The following EN2 variants were observed in gnomAD, a reference collection of about 807,000 sequenced individuals.
EN2 encodes the protein engrailed homeobox 2.
Under a neutral mutation model 25.0 loss-of-function variants are expected in EN2, and 7 were observed. The observed-to-expected ratio is 0.28, with a 90% CI of 0.16 to 0.53. The LOEUF (loss-of-function observed/expected upper bound fraction) is 0.53, where lower values mean the gene tolerates loss of function less well. Among genes scored for constraint, EN2 ranks in the 20% least tolerant of loss-of-function variants. The pLI, the probability that EN2 is intolerant of heterozygous loss-of-function variation, is 0.96. For synonymous variants in EN2, 277 were observed against 243.3 expected (o/e 1.14, Z -1.29); for missense variants, 524 against 501.8 (o/e 1.04, Z -0.42).
chr7:155,462,780 T>C lies in EN2; in HGVS notation c.*93T>C, dbSNP rs374181653. The C allele has an allele frequency of 3.0e-5, 41 of 1,348,380 alleles. No homozygotes were observed. In the East Asian group the frequency reaches 5.8e-4, roughly 19 times the overall value. 83.5% of individuals were successfully genotyped at this position (1,348,380 alleles called of 1,614,324 possible). On this transcript the variant is annotated 3_prime_UTR_variant, in exon 2 of 2. Transcript: ENST00000297375. ...CCAGTGTATAAAGATTATACCAGCA[T>C]TAATAGTGAAAATATTGTGTATTAG... is the stretch of plus-strand genomic sequence containing the variant.
chr7:155,459,614 C>T (rs1795672245), intron 1 of EN2, among the ~76,000 whole-genome samples: 1 of 152,256 alleles, frequency 6.6e-6, no homozygotes, highest in South Asian at 2.1e-4. Flanking sequence ...TTCTGCCCCT[C>T]GGGCCTGCGC....
In EN2 at chr7:155,458,274, G is replaced by A; in HGVS notation, c.-104G>A. ...CGCCGCGCACGCCCTCGGAAGACTC[G>A]GCGGGGTGGGGGCGCGGGGGTCTCC... On this transcript the variant is annotated 5_prime_UTR_variant, in exon 1 of 2. Transcript: ENST00000297375. The A allele has an allele frequency of 2.4e-6, 3 of 1,239,768 alleles. No individual in the cohort carries two copies. The highest frequency in any genetic ancestry group is 3.1e-6 in the Non-Finnish European group (3 of 983,198). 76.8% of individuals were successfully genotyped at this position (1,239,768 alleles called of 1,614,324 possible). A position where few individuals can be genotyped will look rare whatever the true frequency, so the allele number is the denominator to read the frequency against.
At chr7:155,460,765 C>G (rs1795685937) in intron 1 of EN2, among the ~76,000 whole-genome samples, 1 of 152,184 alleles carries the variant, frequency 6.6e-6, no homozygotes, top group African/African-American at 2.4e-5. Context: ...CTGCACCTAC[C>G]CCTACCAAAG....
chr7:155,458,968 G>C lies in EN2; in HGVS notation c.591G>C (p.Ser197=), dbSNP rs1795663451. 1 of 1,539,306 alleles carries C rather than the reference G, an allele frequency of 6.5e-7. No homozygotes were observed. Among genetic ancestry groups the C allele is most frequent in the Non-Finnish European group, 8.7e-7 (1 of 1,152,264 alleles). Residue 197 remains serine (S), a synonymous_variant, in exon 1 of 2, where the codon TCG becomes TCC. Transcript: ENST00000297375. The part of the protein sequence containing the change: ...GGGDLSVSSD[S]DSSQAGANLG... The stretch of plus-strand genomic sequence containing the variant: ...GCGACCTGTCGGTGAGCTCGGACTC[G>C]GACAGCTCGCAAGCCGGCGCCAACC...
chr7:155,462,058 G>C (rs1795702461), intron 1 of EN2, among the ~76,000 whole-genome samples: 1 of 152,240 alleles, frequency 6.6e-6, no homozygotes, highest in East Asian at 1.9e-4. Flanking sequence ...AACCAGGCCA[G>C]AAAGTGTGGG....
Position 155,458,451 on chromosome 7 carries a change from C to A in EN2, c.74C>A (p.Pro25His). ...VEGQRQPESS[P>H]GGGSGGGGGS... Reference sequence around the variant, plus strand: ...GGACAGCGGCAGCCGGAATCCAGCCCCGGCGGCGGCTCGGGCGGCGGCGGC... The same window carrying A: ...GGACAGCGGCAGCCGGAATCCAGCCACGGCGGCGGCTCGGGCGGCGGCGGC... Residue 25 changes from proline to histidine, a missense_variant, in exon 1 of 2, where the codon CCC becomes CAC. Coordinates refer to ENST00000297375, the MANE Select transcript of EN2 (RefSeq NM_001427.4). 7.7e-7 allele frequency: 1 copy of A among 1,304,892 alleles called. No individual in the cohort carries two copies. The allele number at this position is 1,304,892 out of a possible 1,614,324, so 80.8% of individuals were successfully genotyped here.
rs1374962602 is a variant in EN2 at position 155,459,037 on chromosome 7, G to A, written c.660G>A (p.Thr220=). 6.3e-7 allele frequency: 1 copy of A among 1,581,596 alleles called. No individual in the cohort carries two copies. Among genetic ancestry groups the A allele is most frequent in the Admixed American group, 1.7e-5 (1 of 58,754 alleles). ...PMLWPAWVYC[T]RYSDRPSSGP... ...TCTGGCCGGCGTGGGTCTACTGTAC[G>A]CGCTACTCGGACCGGCCTTCTTCAG... Residue 220 remains threonine (T), a synonymous_variant, in exon 1 of 2, where the codon ACG becomes ACA. Transcript: ENST00000297375.
chr7:155,458,823 A>G lies in EN2; in HGVS notation c.446A>G (p.Asp149Gly). ...GGGCCGCTCCCAGCCGCCGGCAGCG[A>G]CTCTCCGGGTGACGGGGAAGGCGGC... is the stretch of plus-strand genomic sequence containing the variant. ...AGGPLPAAGSDSPGDGEGGSK... is the reference protein window; with the variant it reads ...AGGPLPAAGSGSPGDGEGGSK... Residue 149 changes from aspartate to glycine, a missense_variant, in exon 1 of 2, where the codon GAC (aspartate) becomes GGC (glycine). Coordinates refer to ENST00000297375, the MANE Select transcript of EN2 (RefSeq NM_001427.4). The G allele has an allele frequency of 2.1e-6, 3 of 1,432,562 alleles. No individual in the cohort carries two copies. Among genetic ancestry groups the G allele is most frequent in the Non-Finnish European group, 2.7e-6 (3 of 1,105,622 alleles). The allele number at this position is 1,432,562 out of a possible 1,614,324, so 88.7% of individuals were successfully genotyped here. A position where few individuals can be genotyped will look rare whatever the true frequency, so the allele number is the denominator to read the frequency against.
rs1301585572 is a variant in EN2 at position 155,458,283 on chromosome 7, G to A, written c.-95G>A. On this transcript the variant is annotated 5_prime_UTR_variant, in exon 1 of 2. Transcript: ENST00000297375. ...CGCCCTCGGAAGACTCGGCGGGGTGGGGGCGCGGGGGTCTCCGTGTGCGCC... is the reference window on the plus strand; with the variant it reads ...CGCCCTCGGAAGACTCGGCGGGGTGAGGGCGCGGGGGTCTCCGTGTGCGCC... 3.4e-5 allele frequency: 42 copies of A among 1,241,390 alleles called. No individual in the cohort carries two copies. Among genetic ancestry groups the A allele is most frequent in the Admixed American group, 8.4e-5 (2 of 23,742 alleles). The allele number at this position is 1,241,390 out of a possible 1,614,324, so 76.9% of individuals were successfully genotyped here.
In EN2 at chr7:155,458,564, C is replaced by A. The variant is rs1795655527; in HGVS notation, c.187C>A (p.Pro63Thr). The A allele has an allele frequency of 1.4e-6, 2 of 1,465,708 alleles. No individual in the cohort carries two copies. The highest frequency in any genetic ancestry group is 9.0e-7 in the Non-Finnish European group (1 of 1,105,828). The allele number at this position is 1,465,708 out of a possible 1,614,324, so 90.8% of individuals were successfully genotyped here. Residue 63 changes from proline to threonine, a missense_variant, in exon 1 of 2, where the codon CCG becomes ACG. Physicochemically the swap from Pro to Thr is conservative, Grantham distance 38. Transcript: ENST00000297375. ...GCAGGCGCCCGGCAACCACCAGCACCCGCACCGCATCACCAACTTCTTCAT... is the reference window on the plus strand; with the variant it reads ...GCAGGCGCCCGGCAACCACCAGCACACGCACCGCATCACCAACTTCTTCAT... ...VLQAPGNHQHPHRITNFFIDN... is the reference protein window; with the variant it reads ...VLQAPGNHQHTHRITNFFIDN...
chr7:155,462,243 G>T (rs1203301820), intron 1 of EN2, 128 bp from the exon 2 acceptor site: 1 of 1,035,692 alleles, frequency 9.7e-7, no homozygotes. Context: ...CCCACATCTG[G>T]CGGTTCAGCC....
intron 1 of EN2, among the ~76,000 whole-genome samples, chr7:155,461,723 C>G (rs1475503860): frequency 6.6e-6 from 1 of 152,174 alleles, no homozygotes; most frequent in Non-Finnish European, 1.5e-5. Flanking sequence ...TGCCCCTCCC[C>G]ACCAAGGAGG....
chr7:155,462,771 A>T lies in EN2; in HGVS notation c.*84A>T. On this transcript the variant is annotated 3_prime_UTR_variant, in exon 2 of 2. Transcript: ENST00000297375. ...CATAAAGGGCCAGTGTATAAAGATTATACCAGCATTAATAGTGAAAATATT... is the reference window on the plus strand; with the variant it reads ...CATAAAGGGCCAGTGTATAAAGATTTTACCAGCATTAATAGTGAAAATATT... The T allele has an allele frequency of 7.2e-7, 1 of 1,390,800 alleles. No homozygotes were observed. The highest frequency in any genetic ancestry group is 9.6e-7 in the Non-Finnish European group (1 of 1,041,128). The allele number at this position is 1,390,800 out of a possible 1,614,324, so 86.2% of individuals were successfully genotyped here. A position where few individuals can be genotyped will look rare whatever the true frequency, so the allele number is the denominator to read the frequency against.
chr7:155,458,875 C>A lies in EN2; in HGVS notation c.498C>A (p.Gly166=), dbSNP rs994627089. The A allele has an allele frequency of 6.7e-7, 1 of 1,495,196 alleles. No homozygotes were observed. Among genetic ancestry groups the A allele is most frequent in the African/African-American group, 1.5e-5 (1 of 68,476 alleles). The allele number at this position is 1,495,196 out of a possible 1,614,324, so 92.6% of individuals were successfully genotyped here. Reference sequence around the variant, plus strand: ...CCAAGACGCTCTCGCTGCACGGTGGCGCCAAGAAAGGCGGCGACCCCGGCG... The same window carrying A: ...CCAAGACGCTCTCGCTGCACGGTGGAGCCAAGAAAGGCGGCGACCCCGGCG... ...GGSKTLSLHG[G]AKKGGDPGGP... is the part of the protein sequence containing the mutation. Residue 166 remains glycine, a synonymous_variant, in exon 1 of 2, where the codon GGC becomes GGA. Transcript: ENST00000297375.
At position 155,462,377 on chromosome 7, in the gene EN2, G is replaced by A; in HGVS notation, c.692G>A (p.Arg231Lys). ...GTCCACCGTATCTACCCAGGTCCCA[G>A]GTCTCGAAAACCAAAGAAGAAGAAC... ...RYSDRPSSGP[R>K]SRKPKKKNPN... The change falls in exon 2 of 2, where the codon AGG becomes AAG. Residue 231 changes from arginine to lysine, a missense_variant. Arg to Lys is a conservative substitution (Grantham distance 26, BLOSUM62 2). Coordinates refer to ENST00000297375, the MANE Select transcript of EN2 (RefSeq NM_001427.4). 6.2e-7 allele frequency: 1 copy of A among 1,608,866 alleles called. No individual in the cohort carries two copies. The highest frequency in any genetic ancestry group is 8.5e-7 in the Non-Finnish European group (1 of 1,178,102).
rs756927720 is a variant in EN2 at position 155,462,499 on chromosome 7, C to A, written c.814C>A (p.Gln272Lys). Residue 272 changes from glutamine to lysine, a missense_variant, in exon 2 of 2, where the codon CAG becomes AAG. By Grantham distance (53) the Gln-to-Lys change is moderately conservative. Transcript: ENST00000297375. ...CCAGACCAACAGGTACCTGACGGAGCAGCGGCGCCAGAGCCTGGCGCAGGA... is the reference window on the plus strand; with the variant it reads ...CCAGACCAACAGGTACCTGACGGAGAAGCGGCGCCAGAGCCTGGCGCAGGA... ...EFQTNRYLTE[Q>K]RRQSLAQELS... The A allele has an allele frequency of 6.2e-7, 1 of 1,614,208 alleles. No homozygotes were observed. The highest frequency in any genetic ancestry group is 2.2e-5 in the East Asian group (1 of 44,880).
At position 155,458,773 on chromosome 7, in the gene EN2, C is replaced by G. The variant is rs1795659682; in HGVS notation, c.396C>G (p.Asn132Lys). The G allele has an allele frequency of 7.3e-7, 1 of 1,374,976 alleles. No homozygotes were observed. The highest frequency in any genetic ancestry group is 1.5e-5 in the African/African-American group (1 of 65,216). The allele number at this position is 1,374,976 out of a possible 1,614,324, so 85.2% of individuals were successfully genotyped here. The change falls in exon 1 of 2, where the codon AAC becomes AAG. Residue 132 changes from asparagine (N) to lysine (K), a missense_variant. Transcript: ENST00000297375. ...CGGGCTCCCGAGAGCCCCGGCAGAA[C>G]CCGCCATGTGCGCCCGGCGCGGGCG... ...LGSGSREPRQ[N>K]PPCAPGAGGP...
rs770353560 is a variant in EN2 at position 155,458,939 on chromosome 7, G to T, written c.562G>T (p.Gly188Cys). The T allele has an allele frequency of 3.3e-5, 50 of 1,519,416 alleles. 1 individual carries two copies. The South Asian group carries it at 5.8e-4, about 18-fold the overall frequency. 94.1% of individuals were successfully genotyped at this position (1,519,416 alleles called of 1,614,324 possible). A position where few individuals can be genotyped will look rare whatever the true frequency, so the allele number is the denominator to read the frequency against. The change falls in exon 1 of 2, where the codon GGC becomes TGC. Residue 188 changes from glycine (G) to cysteine (C), a missense_variant. By Grantham distance (159) the Gly-to-Cys change is radical (BLOSUM62 -3). Coordinates refer to ENST00000297375, the MANE Select transcript of EN2 (RefSeq NM_001427.4). ...DGSLKARGLG[G>C]GDLSVSSDSD... ...GTCGCTCAAGGCCCGCGGCTTGGGC[G>T]GCGGCGACCTGTCGGTGAGCTCGGA...
At position 155,458,806 on chromosome 7, in the gene EN2, C is replaced by T; in HGVS notation, c.429C>T (p.Leu143=). 7.1e-7 allele frequency: 1 copy of T among 1,403,116 alleles called. No homozygotes were observed. Among genetic ancestry groups the T allele is most frequent in the East Asian group, 3.0e-5 (1 of 33,262 alleles). 86.9% of individuals were successfully genotyped at this position (1,403,116 alleles called of 1,614,324 possible). Residue 143 remains leucine, a synonymous_variant, in exon 1 of 2, where the codon CTC becomes CTT. Transcript: ENST00000297375. ...PPCAPGAGGP[L]PAAGSDSPGD... ...GTGCGCCCGGCGCGGGCGGGCCGCT[C>T]CCAGCCGCCGGCAGCGACTCTCCGG...
Sources: allele counts gnomAD v4.1 joint callset (sites outside exome capture counted in the v4.1 genomes callset), GRCh38; gene constraint gnomAD v4.1.1; transcripts MANE v1.5; gene names NCBI Gene and HGNC (gene_info 2026-07-23, HGNC 2026-07-21).